The following AK9 variants were observed in gnomAD, a reference collection of about 807,000 sequenced individuals.
The protein encoded by AK9 is adenylate kinase domain containing 1.
Under a neutral mutation model 239.6 loss-of-function variants are expected in AK9, and 191 were observed. The observed-to-expected ratio is 0.80, with a 90% CI of 0.71 to 0.90. The LOEUF (loss-of-function observed/expected upper bound fraction) is 0.90. Among genes scored for constraint, AK9 ranks in the 40% least tolerant of loss-of-function variants. The pLI, the probability that AK9 is intolerant of heterozygous loss-of-function variation, is 0.00. For synonymous variants in AK9, 689 were observed against 721.0 expected, an observed-to-expected ratio of 0.96 and a Z score of 0.71; for missense variants, 1,995 against 2,214.7, an observed-to-expected ratio of 0.90 and a Z score of 1.99.
intron 19 of AK9, among the ~76,000 whole-genome samples, chr6:109,580,316 G>C (rs896599012): frequency 4.6e-5 from 7 of 152,034 alleles, no homozygotes; most frequent in African/African-American, 1.7e-4. Flanking sequence ...CCTTAACGAT[G>C]GTAAAGAAAG....
intron 7 of AK9, among the ~76,000 whole-genome samples, chr6:109,658,294 G>A (rs1234426589): frequency 6.6e-6 from 1 of 152,082 alleles, no homozygotes; most frequent in South Asian, 2.1e-4. Flanking sequence ...GCACACTGGC[G>A]TTCATTCATT....
chr6:109,568,328 A>G (rs1236519181), intron 21 of AK9, among the ~76,000 whole-genome samples: 1 of 152,170 alleles, frequency 6.6e-6, no homozygotes, highest in Non-Finnish European at 1.5e-5. Flanking sequence ...TATCATACTG[A>G]ATGGGCAAAA....
At chr6:109,643,060 T>C (rs1797653372) in intron 9 of AK9, among the ~76,000 whole-genome samples, 1 of 152,026 alleles carries the variant, frequency 6.6e-6, no homozygotes, top group Non-Finnish European at 1.5e-5. Context: ...GTTAGCGAAT[T>C]AGAGTGTGAA....
At chr6:109,609,856 G>GCTAC (rs1205475239) in intron 17 of AK9, among the ~76,000 whole-genome samples, 2 of 152,096 alleles carry the variant, frequency 1.3e-5, no homozygotes, top group African/African-American at 2.4e-5. Flanking sequence ...ACAAACAGTA[G>GCTAC]GCCTTCTGAT....
chr6:109,624,840 A>T (rs1406880025), intron 12 of AK9, among the ~76,000 whole-genome samples: 1 of 151,998 alleles, frequency 6.6e-6, no homozygotes, highest in Non-Finnish European at 1.5e-5. Flanking sequence ...GAAAATGAAC[A>T]CCCTAGACTG....
At chr6:109,541,881 T>A (rs1366155934) in intron 27 of AK9, among the ~76,000 whole-genome samples, 166 bp downstream of exon 27, 3 of 152,354 alleles carry the variant, frequency 2.0e-5, no homozygotes, top group Admixed American at 2.0e-4. Flanking sequence ...TCGGTATTTT[T>A]AAAGACTCTA....
intron 17 of AK9, among the ~76,000 whole-genome samples, chr6:109,602,857 A>G (rs1792226415): frequency 6.6e-6 from 1 of 152,098 alleles, no homozygotes; most frequent in African/African-American, 2.4e-5. Context: ...CTTCCAGTTG[A>G]TCGAATTGGC....
chr6:109,540,738 T>C (rs907922145), intron 27 of AK9, among the ~76,000 whole-genome samples: 2 of 152,190 alleles, frequency 1.3e-5, no homozygotes, highest in African/African-American at 4.8e-5. Context: ...TGTTTTTTTC[T>C]TTAGAGGTGC....
chr6:109,569,930 G>A (rs1398349999), intron 21 of AK9, among the ~76,000 whole-genome samples: 1 of 151,978 alleles, frequency 6.6e-6, no homozygotes, highest in Non-Finnish European at 1.5e-5. Flanking sequence ...CCATTACTGG[G>A]CACATACCCA....
At chr6:109,664,871 A>G (rs1800959163) in intron 5 of AK9, among the ~76,000 whole-genome samples, 1 of 145,400 alleles carries the variant, frequency 6.9e-6, no homozygotes, top group African/African-American at 2.7e-5. Context: ...CATCTCTACT[A>G]AAAAAAAAAA....
At chr6:109,628,816 T>C (rs1795818291) in intron 12 of AK9, among the ~76,000 whole-genome samples, 1 of 152,196 alleles carries the variant, frequency 6.6e-6, no homozygotes. Flanking sequence ...TGCCTATCTT[T>C]ATCCTTTTGA....
intron 17 of AK9, among the ~76,000 whole-genome samples, chr6:109,599,556 A>G (rs952416092): frequency 1.3e-5 from 2 of 150,864 alleles, no homozygotes; most frequent in African/African-American, 2.4e-5. Flanking sequence ...TTGGCAATGC[A>G]GGCTCTTTTT....
chr6:109,520,510 T>C (rs10872036), intron 29 of AK9, among the ~76,000 whole-genome samples: 28,730 of 152,048 alleles, frequency 0.19, 3,193 homozygotes, highest in South Asian at 0.34. Context: ...CATGCTGTTT[T>C]GATTACTGTA....
intron 12 of AK9, among the ~76,000 whole-genome samples, chr6:109,629,110 T>C (rs561361624): frequency 1.0e-3 from 154 of 152,264 alleles, no homozygotes; most frequent in African/African-American, 3.6e-3. Flanking sequence ...TTTTATTTTA[T>C]TTTATTTTAC....
intron 2 of AK9, among the ~76,000 whole-genome samples, chr6:109,675,165 CA>C (rs755601082): frequency 3.5e-4 from 54 of 152,242 alleles, no homozygotes; most frequent in Non-Finnish European, 6.8e-4. Context: ...AGCCTCAAAA[CA>C]AATTGCATAG....
chr6:109,507,330 A>T (rs893029460), intron 33 of AK9, among the ~76,000 whole-genome samples: 4 of 138,874 alleles, frequency 2.9e-5, no homozygotes, highest in Non-Finnish European at 4.7e-5. Context: ...TTAGTAAGAG[A>T]CTAAGCCAAT....
At chr6:109,528,949 T>C in intron 29 of AK9, 62 bp downstream of exon 29, 1 of 1,583,844 alleles carries the variant, frequency 6.3e-7, no homozygotes, top group Non-Finnish European at 8.6e-7. Flanking sequence ...ATTGTGCCAC[T>C]GTACCCTGCC....
intron 17 of AK9, among the ~76,000 whole-genome samples, chr6:109,592,446 C>CTTTCT (rs1790386105): frequency 7.9e-6 from 1 of 126,760 alleles, no homozygotes; most frequent in Non-Finnish European, 1.6e-5. Context: ...AATGGGATTT[C>CTTTCT]TTTTTTTTTT....
At chr6:109,617,985 T>C (rs1181358021) in intron 13 of AK9, among the ~76,000 whole-genome samples, 2 of 152,188 alleles carry the variant, frequency 1.3e-5, no homozygotes, top group Non-Finnish European at 2.9e-5. Context: ...TCATGAGGAT[T>C]AAATAGGATA....
Sources: allele counts gnomAD v4.1 joint callset (sites outside exome capture counted in the v4.1 genomes callset), GRCh38; gene constraint gnomAD v4.1.1; transcripts MANE v1.5; gene names NCBI Gene and HGNC (gene_info 2026-07-23, HGNC 2026-07-21).